Variants in ABCC4 observed in about 807,000 individuals in gnomAD.
ABCC4 encodes the protein ATP-binding cassette sub-family C member 4.
In ABCC4, 102 loss-of-function variants were observed where a neutral mutation model predicts 168.5. That is an observed-to-expected ratio of 0.61 (90% CI 0.52 to 0.71). ABCC4 has a LOEUF of 0.71. Among genes scored for constraint, ABCC4 ranks in the 30% least tolerant of loss-of-function variants. The pLI, the probability that ABCC4 is intolerant of heterozygous loss-of-function variation, is 0.00. For missense variants in ABCC4, 1,402 were observed against 1,605.8 expected, an observed-to-expected ratio of 0.87 and a Z score of 2.17; for synonymous variants, 617 against 590.7, an observed-to-expected ratio of 1.04 and a Z score of -0.65.
chr13:95,267,721 A>G (rs1273810119), intron 1 of ABCC4, among the ~76,000 whole-genome samples: 1 of 152,218 alleles, frequency 6.6e-6, no homozygotes, highest in Admixed American at 6.5e-5. Context: ...TTACACTAAC[A>G]TAAATTATCA....
chr13:95,039,310 T>C (rs1001830904), intron 29 of ABCC4, among the ~76,000 whole-genome samples: 15 of 152,224 alleles, frequency 9.9e-5, no homozygotes, highest in African/African-American at 3.4e-4. Context: ...TTTAGGAGCA[T>C]TTCAGATTTC....
chr13:95,188,883 A>C (rs912870617), intron 9 of ABCC4, among the ~76,000 whole-genome samples: 1 of 152,028 alleles, frequency 6.6e-6, no homozygotes, highest in African/African-American at 2.4e-5. Context: ...AAAACAATAT[A>C]TATATATTTT....
In ABCC4 at chr13:95,247,740, A is replaced by C; in HGVS notation, c.88T>G (p.Leu30Val). 6.2e-7 allele frequency: 1 copy of C among 1,613,826 alleles called. No homozygotes were observed. The highest frequency in any genetic ancestry group is 8.5e-7 in the Non-Finnish European group (1 of 1,179,732). Reference protein sequence around the residue: ...SRVFFWWLNPLFKIGHKRRLE... With the variant: ...SRVFFWWLNPVFKIGHKRRLE... ...CTCCGTTTATGGCCAATTTTAAACAAGGGATTGAGCCACCTGTTAACAAGA... is the reference window on the plus strand; with the variant it reads ...CTCCGTTTATGGCCAATTTTAAACACGGGATTGAGCCACCTGTTAACAAGA... Residue 30 changes from leucine (L) to valine (V), a missense_variant, in exon 2 of 31, where the codon TTG (leucine) becomes GTG (valine). Physicochemically the swap from Leu to Val is conservative, Grantham distance 32. This residue lies in a region of ABCC4 where 317 missense variants were observed against 345.5 expected (regional missense o/e 0.92). Coordinates refer to ENST00000645237, the MANE Select transcript of ABCC4 (RefSeq NM_005845.5).
rs565667069 is a variant in ABCC4 at position 95,204,573 on chromosome 13, G to T, written c.1161+1959C>A. On this transcript the variant is annotated intron_variant, in intron 8 of 30. Transcript: ENST00000645237. The stretch of plus-strand genomic sequence containing the variant: ...GAAGAAAGTGCCTGCTTCCCCTTCC[G>T]CCATGACTGTGAGTTTCCTGAGGTC... Among the ~76,000 whole-genome samples the T allele has an allele frequency of 5.3e-5, 8 of 152,168 alleles. No individual in the cohort carries two copies. The East Asian group carries it at 1.5e-3, about 29-fold the overall frequency.
At chr13:95,098,285 A>G (rs2034680428) in intron 20 of ABCC4, among the ~76,000 whole-genome samples, 1 of 152,176 alleles carries the variant, frequency 6.6e-6, no homozygotes, top group African/African-American at 2.4e-5. Flanking sequence ...AAACCAACAG[A>G]TTAATGTTCA....
intron 29 of ABCC4, among the ~76,000 whole-genome samples, chr13:95,042,356 C>T (rs1270476884): frequency 6.6e-6 from 1 of 152,206 alleles, no homozygotes; most frequent in East Asian, 1.9e-4. Context: ...TCACTGCTCA[C>T]ACCATAGTCT....
intron 1 of ABCC4, among the ~76,000 whole-genome samples, chr13:95,298,428 GA>G (rs2041592016): frequency 6.6e-6 from 1 of 152,220 alleles, no homozygotes; most frequent in Non-Finnish European, 1.5e-5. Context: ...TGGAGCACTT[GA>G]AACCTCACCA....
chr13:95,206,040 A>G (rs1343582065), intron 8 of ABCC4, among the ~76,000 whole-genome samples: 1 of 152,210 alleles, frequency 6.6e-6, no homozygotes, highest in Non-Finnish European at 1.5e-5. Flanking sequence ...ACAGAAATTA[A>G]CAAGGAAAAC....
intron 4 of ABCC4, among the ~76,000 whole-genome samples, chr13:95,227,734 A>G (rs1300027666): frequency 6.6e-6 from 1 of 152,180 alleles, no homozygotes; most frequent in Admixed American, 6.5e-5. Flanking sequence ...TTTAAAGAAG[A>G]GTCTTGTTCT....
At chr13:95,090,721 T>C (rs1372667313) in intron 20 of ABCC4, among the ~76,000 whole-genome samples, 1 of 152,020 alleles carries the variant, frequency 6.6e-6, no homozygotes, top group Non-Finnish European at 1.5e-5. Context: ...AAAATAAGGC[T>C]CTTTACCAGC....
At chr13:95,163,348 T>C (rs2139550285) in intron 17 of ABCC4, 132 bp from the exon 18 acceptor site, 3 of 689,726 alleles carry the variant, frequency 4.3e-6, no homozygotes, top group Non-Finnish European at 7.4e-6. Flanking sequence ...CTTAGTCTTG[T>C]GTATATCTAC....
chr13:95,187,536 G>A (rs960410775), intron 10 of ABCC4, among the ~76,000 whole-genome samples: 3 of 152,184 alleles, frequency 2.0e-5, no homozygotes, highest in African/African-American at 4.8e-5. Context: ...CTAGGGAAAT[G>A]GAGGTTGCAG....
At chr13:95,265,217 G>A (rs562564596) in intron 1 of ABCC4, among the ~76,000 whole-genome samples, 142 of 152,228 alleles carry the variant, frequency 9.3e-4, no homozygotes, top group Non-Finnish European at 1.5e-3. Flanking sequence ...AATATAAACA[G>A]AGAAAGAGAC....
intron 3 of ABCC4, 59 bp downstream of exon 3, chr13:95,246,916 G>A (rs2040120058): frequency 6.4e-7 from 1 of 1,569,432 alleles, no homozygotes; most frequent in African/African-American, 1.4e-5. Flanking sequence ...CCAGTCAATG[G>A]CGAGCACATT....
chr13:95,085,825 G>A (rs778783305), intron 20 of ABCC4, among the ~76,000 whole-genome samples: 10 of 152,022 alleles, frequency 6.6e-5, no homozygotes, highest in Non-Finnish European at 1.0e-4. Context: ...TATGTATTTC[G>A]CATCCATTAT....
chr13:95,248,261 C>T (rs1422208193), intron 1 of ABCC4, among the ~76,000 whole-genome samples: 2 of 152,020 alleles, frequency 1.3e-5, no homozygotes, highest in African/African-American at 4.8e-5. Context: ...CACTGAATAA[C>T]AAAAGAATCC....
chr13:95,075,005 T>C (rs2033849168), intron 22 of ABCC4: 1 of 161,444 alleles, frequency 6.2e-6, no homozygotes, highest in Non-Finnish European at 1.4e-5. Flanking sequence ...CCAGCACCTA[T>C]TTTTGTAAAT....
In ABCC4 at chr13:95,301,407, G is replaced by A; in HGVS notation, c.-93C>T. ...CCTGGACCTCAAGCAGGGATGCTGG[G>A]GCTCCGGCCGCCACGCCTGTCCGCT... On this transcript the variant is annotated 5_prime_UTR_variant, in exon 1 of 31. Coordinates refer to ENST00000645237, the MANE Select transcript of ABCC4 (RefSeq NM_005845.5). The A allele has an allele frequency of 8.8e-7, 1 of 1,141,734 alleles. No homozygotes were observed. Among genetic ancestry groups the A allele is most frequent in the African/African-American group, 1.6e-5 (1 of 61,534 alleles). 70.7% of individuals were successfully genotyped at this position (1,141,734 alleles called of 1,614,324 possible).
At position 95,248,468 on chromosome 13, in the gene ABCC4, A is replaced by T. The variant is rs1238474502; in HGVS notation, c.75-715T>A. Among the ~76,000 whole-genome samples, 3 of 152,226 alleles carry T rather than the reference A, an allele frequency of 2.0e-5. No homozygotes were observed. The East Asian group carries it at 5.8e-4, about 29-fold the overall frequency. On this transcript the variant is annotated intron_variant, in intron 1 of 30. Transcript: ENST00000645237. ...ACAAAATAGTAATCTTGCAGAGGAC[A>T]GAAAGAACTTATTCAAATATTTTGA...
Sources: gnomAD v4.1 joint callset for allele counts (sites outside exome capture counted in the v4.1 genomes callset) on GRCh38, gnomAD v4.1.1 for gene constraint, gnomAD v4.1.1 regional missense constraint, MANE v1.5 for transcripts, NCBI Gene and HGNC (gene_info 2026-07-23, HGNC 2026-07-21) for gene names.